Variants in TMEM132D observed in about 807,000 individuals in gnomAD.
TMEM132D encodes the protein mature OL transmembrane protein.
Under a neutral mutation model 62.3 loss-of-function variants are expected in TMEM132D, and 21 were observed. The ratio of observed to expected loss-of-function variants is 0.34; its 90% CI spans 0.24 to 0.49. The LOEUF (loss-of-function observed/expected upper bound fraction) is 0.49. Among genes scored for constraint, TMEM132D ranks in the 20% least tolerant of loss-of-function variants. TMEM132D has a pLI of 0.99. For missense variants in TMEM132D, 1,346 were observed against 1,402.8 expected, an observed-to-expected ratio of 0.96 and a Z score of 0.65; for synonymous variants, 621 against 575.6, an observed-to-expected ratio of 1.08 and a Z score of -1.13.
intron 1 of TMEM132D, among the ~76,000 whole-genome samples, chr12:129,707,942 C>T (rs764106591): frequency 3.3e-5 from 5 of 152,226 alleles, no homozygotes; most frequent in South Asian, 2.1e-4. Flanking sequence ...CAGGGCCAGG[C>T]GCGGTGGTTC....
rs1244814694 is a variant in TMEM132D, at chr12:129,725,310, C to CTATATTTCT, written c.80-24613_80-24612insAGAAATATA. 3.9e-4 allele frequency among the ~76,000 whole-genome samples: 60 copies of CTATATTTCT among 152,354 alleles called. 2 individuals are homozygous for CTATATTTCT. The South Asian group carries it at 0.012, about 30-fold the overall frequency. ...TTCACTATGTATTTCTATATGCCTACAGATAGTGTGCTAATAAGCCTGCTA... is the reference window on the plus strand; with the variant it reads ...TTCACTATGTATTTCTATATGCCTACTATATTTCTAGATAGTGTGCTAATAAGCCTGCTA... On this transcript the variant is annotated intron_variant, in intron 1 of 8. Coordinates refer to ENST00000422113, the MANE Select transcript of TMEM132D (RefSeq NM_133448.3).
intron 1 of TMEM132D, among the ~76,000 whole-genome samples, chr12:129,874,377 T>A (rs1488630161): frequency 6.6e-6 from 1 of 151,918 alleles, no homozygotes; most frequent in Non-Finnish European, 1.5e-5. Context: ...ACCACTGCAC[T>A]TCAGCCTGGG....
chr12:129,551,954 T>C (rs1012381884), intron 2 of TMEM132D, among the ~76,000 whole-genome samples: 30 of 152,200 alleles, frequency 2.0e-4, no homozygotes, highest in African/African-American at 6.8e-4. Context: ...ACAAGTAGCA[T>C]ATATGGGCAG....
chr12:129,249,133 C>T (rs1346488842), intron 4 of TMEM132D, among the ~76,000 whole-genome samples: 1 of 152,144 alleles, frequency 6.6e-6, no homozygotes, highest in Non-Finnish European at 1.5e-5. Flanking sequence ...GTATACAGCT[C>T]ATTAAGCAAT....
In TMEM132D at chr12:129,337,809, C is replaced by T. The variant is rs775490465; in HGVS notation, c.1124G>A (p.Gly375Asp). 3 of 1,608,898 alleles carry T rather than the reference C, an allele frequency of 1.9e-6. No homozygotes were observed. In the African/African-American group the frequency reaches 4.0e-5, roughly 21 times the overall value. The stretch of plus-strand genomic sequence containing the variant: ...GATCTGCATGACCTCGTAGGAGGCG[C>T]CATCCGCACTGGAGAGAAGACACAG... The part of the protein sequence containing the change: ...KAAGSENSAD[G>D]ASYEVMQIDV... The change falls in exon 4 of 9, where the codon GGC becomes GAC. Residue 375 changes from glycine (G) to aspartate (D), a missense_variant. By Grantham distance (94) the Gly-to-Asp change is moderately conservative (BLOSUM62 -1). Coordinates refer to ENST00000422113, the MANE Select transcript of TMEM132D (RefSeq NM_133448.3).
chr12:129,556,052 T>G (rs896261084), intron 2 of TMEM132D, among the ~76,000 whole-genome samples: 1 of 152,190 alleles, frequency 6.6e-6, no homozygotes, highest in Non-Finnish European at 1.5e-5. Context: ...TTTTCTGTCA[T>G]GAATGTACAT....
At chr12:129,613,701 C>T (rs1046755682) in intron 2 of TMEM132D, among the ~76,000 whole-genome samples, 4 of 152,256 alleles carry the variant, frequency 2.6e-5, no homozygotes, top group Non-Finnish European at 5.9e-5. Context: ...AGAAGACTGG[C>T]TCGAGAACCC....
intron 3 of TMEM132D, among the ~76,000 whole-genome samples, chr12:129,525,214 G>A (rs1341516897): frequency 7.3e-6 from 1 of 137,318 alleles, no homozygotes; most frequent in Non-Finnish European, 1.5e-5. Flanking sequence ...TATGAGCCAC[G>A]GTGCCCAGCC....
chr12:129,301,191 TCCC>T (rs1002500846), intron 4 of TMEM132D, among the ~76,000 whole-genome samples: 49 of 152,278 alleles, frequency 3.2e-4, no homozygotes, highest in African/African-American at 1.2e-3. Flanking sequence ...GAAAGGACTC[TCCC>T]ATTGAAAAAA....
At chr12:129,649,737 AATAC>A (rs149389494) in intron 2 of TMEM132D, among the ~76,000 whole-genome samples, 17,656 of 152,124 alleles carry the variant, frequency 0.12, 1,282 homozygotes, top group Admixed American at 0.2. Context: ...TATTCTATAT[AATAC>A]ATAAAGATAT....
chr12:129,166,706 CACACACATATACACACACACACAT>C (rs1877565003), intron 5 of TMEM132D, among the ~76,000 whole-genome samples: 1 of 141,784 alleles, frequency 7.1e-6, no homozygotes, highest in African/African-American at 2.6e-5. Flanking sequence ...CACACACACA[CACACACATATACACACACACACAT>C]ATATATATAT....
At chr12:129,553,400 T>C (rs1045836223) in intron 2 of TMEM132D, among the ~76,000 whole-genome samples, 1 of 152,264 alleles carries the variant, frequency 6.6e-6, no homozygotes, top group Non-Finnish European at 1.5e-5. Context: ...TATGTAACAT[T>C]TACCCCATGA....
intron 4 of TMEM132D, among the ~76,000 whole-genome samples, chr12:129,301,534 A>G (rs576270558): frequency 5.2e-4 from 79 of 152,234 alleles, no homozygotes; most frequent in Non-Finnish European, 8.4e-4. Context: ...CATTACTCCA[A>G]TTTTCCAAAT....
At chr12:129,266,136 T>C (rs1880688100) in intron 4 of TMEM132D, among the ~76,000 whole-genome samples, 1 of 152,196 alleles carries the variant, frequency 6.6e-6, no homozygotes, top group Admixed American at 6.5e-5. Flanking sequence ...CCATATTGGA[T>C]GGTCATTTCA....
chr12:129,512,744 A>G (rs1305398458), intron 3 of TMEM132D, among the ~76,000 whole-genome samples: 1 of 152,140 alleles, frequency 6.6e-6, no homozygotes, highest in Non-Finnish European at 1.5e-5. Context: ...CCATCCCCAT[A>G]TGGGCTTCTC....
intron 2 of TMEM132D, among the ~76,000 whole-genome samples, chr12:129,671,203 T>C (rs1356045358): frequency 1.3e-5 from 2 of 152,158 alleles, no homozygotes; most frequent in South Asian, 2.1e-4. Flanking sequence ...TAGAAGTAAC[T>C]TGTAAAACAC....
chr12:129,821,496 T>G (rs89690), intron 1 of TMEM132D, among the ~76,000 whole-genome samples: 138,101 of 152,214 alleles, frequency 0.91, 62,698 homozygotes, highest in African/African-American at 0.92. Context: ...GCCCATAATT[T>G]CAGGGTCTGC....
intron 1 of TMEM132D, among the ~76,000 whole-genome samples, chr12:129,750,360 C>G (rs7968426): frequency 0.5 from 76,157 of 152,072 alleles, 19,484 homozygotes; most frequent in Middle Eastern, 0.56. Context: ...GCTGGGATTA[C>G]AGGCGTGAGC....
intron 1 of TMEM132D, among the ~76,000 whole-genome samples, chr12:129,818,394 CGG>C (rs1872436151): frequency 1.2e-5 from 1 of 86,594 alleles, no homozygotes; most frequent in African/African-American, 4.8e-5. Context: ...TGTGTGATGT[CGG>C]GGGTGTGTGT....
Sources: allele counts gnomAD v4.1 joint callset (sites outside exome capture counted in the v4.1 genomes callset), GRCh38; gene constraint gnomAD v4.1.1; transcripts MANE v1.5; gene names NCBI Gene and HGNC (gene_info 2026-07-23, HGNC 2026-07-21).